The following TMEM165 variants were observed in gnomAD, a reference collection of about 807,000 sequenced individuals.
TMEM165 encodes putative divalent cation/proton antiporter TMEM165.
TMEM165 carries 19 observed loss-of-function variants against 30.0 expected under a neutral mutation model. The observed-to-expected ratio is 0.63, with a 90% CI of 0.44 to 0.93. TMEM165 has a LOEUF of 0.93. Among genes scored for constraint, TMEM165 ranks in the 40% least tolerant of loss-of-function variants. The pLI, the probability that TMEM165 is intolerant of heterozygous loss-of-function variation, is 0.00. For missense variants in TMEM165, 340 were observed against 417.0 expected, an observed-to-expected ratio of 0.82 and a Z score of 1.61; for synonymous variants, 168 against 162.9, an observed-to-expected ratio of 1.03 and a Z score of -0.24.
At chr4:55,405,000 ATGCT>A (rs1230741343) in intron 1 of TMEM165, among the ~76,000 whole-genome samples, 1 of 152,230 alleles carries the variant, frequency 6.6e-6, no homozygotes, top group Admixed American at 6.5e-5. Flanking sequence ...ACGGTCTGTG[ATGCT>A]TTAGTTGCTG....
chr4:55,411,525 A>C (rs1273589192), intron 1 of TMEM165, 89 bp from the exon 2 acceptor site: 2 of 1,251,968 alleles, frequency 1.6e-6, no homozygotes, highest in East Asian at 5.1e-5. Flanking sequence ...ATGACAAGAA[A>C]ATTTTCAAAA....
At chr4:55,452,523 A>G (rs1724558447) in exon 4 of TMEM165, 3 of 155,058 alleles carry the variant, frequency 1.9e-5, no homozygotes, top group African/African-American at 7.2e-5. Context: ...GACTCACCAA[A>G]CTAGGAGATA....
At chr4:55,400,300 T>TTATATATAATATTATATATTATATATAA (rs1560385997) in intron 1 of TMEM165, among the ~76,000 whole-genome samples, 39 of 105,974 alleles carry the variant, frequency 3.7e-4, no homozygotes, top group East Asian at 1.6e-3. Context: ...ATATATAATA[T>TTATATATAATATTATATATTATATATAA]TATATATAAT....
chr4:55,435,582 G>A (rs762866277), intron 3 of TMEM165: 6 of 1,613,810 alleles, frequency 3.7e-6, no homozygotes, highest in Admixed American at 1.7e-5. Context: ...TTCCCATGGA[G>A]CAACCTAGAA....
At chr4:55,435,453 C>A in intron 3 of TMEM165, 1 of 1,614,038 alleles carries the variant, frequency 6.2e-7, no homozygotes, top group South Asian at 1.1e-5. Flanking sequence ...GGCAAGCTGT[C>A]AGTCCTGTGC....
chr4:55,427,239 TGCTGGCCAG>T (rs1201500679), downstream of TMEM165, among the ~76,000 whole-genome samples: 2 of 151,716 alleles, frequency 1.3e-5, no homozygotes, highest in African/African-American at 4.8e-5. Context: ...AGTTTCGCCA[TGCTGGCCAG>T]GCTGGTCTCG....
chr4:55,402,887 G>C (rs1342466021), intron 1 of TMEM165, among the ~76,000 whole-genome samples: 2 of 136,204 alleles, frequency 1.5e-5, no homozygotes, highest in East Asian at 2.4e-4. Context: ...TGCCTCCCGG[G>C]TTCACGCCAT....
At chr4:55,451,203 C>T (rs1449531641) in intron 3 of TMEM165, among the ~76,000 whole-genome samples, 1 of 152,172 alleles carries the variant, frequency 6.6e-6, no homozygotes, top group Non-Finnish European at 1.5e-5. Context: ...TTCACCCACA[C>T]TGCTACTCCA....
rs367669037 is a variant in TMEM165, at chr4:55,397,640, C to T, written c.207+1244C>T. 5.9e-5 allele frequency among the ~76,000 whole-genome samples: 9 copies of T among 151,920 alleles called. No homozygotes were observed. The South Asian group carries it at 1.7e-3, about 28-fold the overall frequency. Reference sequence around the variant, plus strand: ...CTGACCCTTTCCTTTCCTTTCCTTTCCTCTCCTTTCTCCTTTTTCCTTTCC... The same window carrying T: ...CTGACCCTTTCCTTTCCTTTCCTTTTCTCTCCTTTCTCCTTTTTCCTTTCC... On this transcript the variant is annotated intron_variant, in intron 1 of 5. Transcript: ENST00000381334.
intron 1 of TMEM165, among the ~76,000 whole-genome samples, chr4:55,410,863 T>C (rs1176224823): frequency 6.6e-6 from 1 of 152,228 alleles, no homozygotes; most frequent in Non-Finnish European, 1.5e-5. Context: ...CCAAGCGTGG[T>C]GGCTCACGCC....
intron 1 of TMEM165, among the ~76,000 whole-genome samples, chr4:55,408,664 G>C (rs1382910029): frequency 6.6e-6 from 1 of 152,084 alleles, no homozygotes; most frequent in African/African-American, 2.4e-5. Flanking sequence ...TTTTACAGAG[G>C]AACAGAGATT....
chr4:55,411,624 C>T lies in TMEM165; in HGVS notation c.218C>T (p.Thr73Ile), dbSNP rs771232299. Reference protein sequence around the residue: ...PEPARVEKIFTPAAPVHTNKE... With the variant: ...PEPARVEKIFIPAAPVHTNKE... ...ATTTTTTTTTTCCAGAAAATATTTACACCAGCAGCTCCAGTTCATACCAAT... is the reference window on the plus strand; with the variant it reads ...ATTTTTTTTTTCCAGAAAATATTTATACCAGCAGCTCCAGTTCATACCAAT... The change falls in exon 2 of 6, where the codon ACA becomes ATA. Residue 73 changes from threonine to isoleucine, a missense_variant. This residue lies in a region of TMEM165 where 120 missense variants were observed against 109.4 expected (regional missense o/e 1.10). Coordinates refer to ENST00000381334, the MANE Select transcript of TMEM165 (RefSeq NM_018475.5). 8 of 1,608,946 alleles carry T rather than the reference C, an allele frequency of 5.0e-6. No individual in the cohort carries two copies. Among genetic ancestry groups the T allele is most frequent in the East Asian group, 2.2e-5 (1 of 44,842 alleles).
chr4:55,429,458 A>AGT (rs371740125), downstream of TMEM165: 3 of 152,218 alleles, frequency 2.0e-5, no homozygotes, highest in African/African-American at 7.2e-5. Flanking sequence ...TTTACTGGGC[A>AGT]GTGCTGTGTA....
chr4:55,397,221 G>C (rs1388584709), intron 1 of TMEM165: 1 of 152,070 alleles, frequency 6.6e-6, no homozygotes, highest in African/African-American at 2.4e-5. Flanking sequence ...CCATCTCCAC[G>C]TAACTAATCT....
At chr4:55,427,686 A>G (rs967078296), downstream of TMEM165, among the ~76,000 whole-genome samples, 1 of 152,198 alleles carries the variant, frequency 6.6e-6, no homozygotes, top group Non-Finnish European at 1.5e-5. Flanking sequence ...CCTCGTAGGG[A>G]GTAGCTGGCA....
In TMEM165 at chr4:55,396,386, C is replaced by T; in HGVS notation, c.197C>T (p.Ala66Val). The T allele has an allele frequency of 1.3e-6, 2 of 1,489,354 alleles. No individual in the cohort carries two copies. Among genetic ancestry groups the T allele is most frequent in the Middle Eastern group, 1.9e-4 (1 of 5,358 alleles). The allele number at this position is 1,489,354 out of a possible 1,614,324, so 92.3% of individuals were successfully genotyped here. A position where few individuals can be genotyped will look rare whatever the true frequency, so the allele number is the denominator to read the frequency against. Reference sequence around the variant, plus strand: ...GTGGCTGTGCAGGGCCCCGAGCCGGCCCGGGTCGAGGTGAGCGGGCCGGGA... The same window carrying T: ...GTGGCTGTGCAGGGCCCCGAGCCGGTCCGGGTCGAGGTGAGCGGGCCGGGA... ...QPVAVQGPEP[A>V]RVEKIFTPAA... Residue 66 changes from alanine (A) to valine (V), a missense_variant, in exon 1 of 6, where the codon GCC (alanine) becomes GTC (valine). Ala to Val is a moderately conservative substitution (Grantham distance 64, BLOSUM62 0). Coordinates refer to ENST00000381334, the MANE Select transcript of TMEM165 (RefSeq NM_018475.5).
rs757031413 is a variant in TMEM165 at position 55,435,421 on chromosome 4, T to A, written c.408+10778T>A. ...AAGAGAGGAAGCACGTGTGCTACTG[T>A]GGTTGAACCTTGGAAGGGTCGGGCA... is the stretch of plus-strand genomic sequence containing the variant. On this transcript the variant is annotated intron_variant, in intron 3 of 3. Transcript: ENST00000608091. 21 of 1,613,956 alleles carry A rather than the reference T, an allele frequency of 1.3e-5. No individual in the cohort carries two copies. In the Admixed American group the frequency reaches 3.3e-4, roughly 26 times the overall value.
chr4:55,450,361 T>C (rs1271656848), intron 3 of TMEM165: 14 of 989,572 alleles, frequency 1.4e-5, no homozygotes, highest in South Asian at 8.1e-5. Context: ...TGTATGTACA[T>C]ACACATGTAA....
intron 3 of TMEM165, chr4:55,442,176 G>C: frequency 4.4e-6 from 2 of 458,614 alleles, no homozygotes; most frequent in Non-Finnish European, 7.9e-6. Flanking sequence ...TTTTCTAACA[G>C]TGTGCTGCAG....
Sources: allele counts gnomAD v4.1 joint callset (sites outside exome capture counted in the v4.1 genomes callset), GRCh38; gene constraint gnomAD v4.1.1; regional missense constraint gnomAD v4.1.1; transcripts MANE v1.5; gene names NCBI Gene and HGNC (gene_info 2026-07-23, HGNC 2026-07-21).